BEND3: variants seen among roughly 807,000 people sequenced by gnomAD.
BEND3 encodes the protein BEN domain-containing protein 3.
Under a neutral mutation model 60.1 loss-of-function variants are expected in BEND3, and 13 were observed. The observed-to-expected ratio is 0.22, with a 90% CI of 0.14 to 0.34. The LOEUF (loss-of-function observed/expected upper bound fraction) is 0.34. BEND3 is among the 10% of genes least tolerant of loss of function. BEND3 has a pLI of 1.00. For synonymous variants in BEND3, 497 were observed against 491.5 expected (o/e 1.01, Z -0.15); for missense variants, 896 against 1,138.1 (o/e 0.79, Z 3.06).
chr6:107,090,479 A>G (rs1775452119), intron 3 of BEND3, among the ~76,000 whole-genome samples: 1 of 152,236 alleles, frequency 6.6e-6, no homozygotes, highest in Admixed American at 6.5e-5. Context: ...GGAAGGAATA[A>G]CTGAAGGTAA....
intron 3 of BEND3, among the ~76,000 whole-genome samples, chr6:107,084,771 C>A (rs1775306682): frequency 1.3e-5 from 2 of 152,214 alleles, no homozygotes; most frequent in Admixed American, 6.5e-5. Flanking sequence ...TAAAAACGTA[C>A]CAATCAGTGC....
At chr6:107,114,633 G>A (rs1391937396) in intron 1 of BEND3, among the ~76,000 whole-genome samples, 12 of 149,474 alleles carry the variant, frequency 8.0e-5, no homozygotes, top group African/African-American at 2.9e-4. Flanking sequence ...CGCCGAGCGC[G>A]AGCGCCAAGC....
rs1774947055 is a variant in BEND3 at position 107,070,386 on chromosome 6, G to A, written c.805C>T (p.Arg269Cys). Residue 269 changes from arginine (R) to cysteine (C), a missense_variant, in exon 4 of 4, where the codon CGC (arginine) becomes TGC (cysteine). Coordinates refer to ENST00000369042, the MANE Select transcript of BEND3 (RefSeq NM_001367314.1). The surrounding 1 kb of genome is among the most constrained non-coding windows in gnomAD (Gnocchi z 6.9). ...TCGGGGAAGAGCTGCACCAGCAAGC[G>A]GCAGGCCAGGTCCCCCCCTGACAGG... ...QSLSGGDLAC[R>C]LLVQLFPELF... 1.1e-5 allele frequency: 18 copies of A among 1,613,796 alleles called. No individual in the cohort carries two copies. Among genetic ancestry groups the A allele is most frequent in the Non-Finnish European group, 1.4e-5 (16 of 1,180,024 alleles).
At chr6:107,107,873 G>A (rs1289596703) in intron 1 of BEND3, among the ~76,000 whole-genome samples, 2 of 152,208 alleles carry the variant, frequency 1.3e-5, no homozygotes, top group East Asian at 1.9e-4. Context: ...AAACTGGAGG[G>A]AGGGGGATGA....
chr6:107,084,975 C>T (rs1193520111), intron 3 of BEND3, among the ~76,000 whole-genome samples: 1 of 152,226 alleles, frequency 6.6e-6, no homozygotes, highest in African/African-American at 2.4e-5. Flanking sequence ...TCGCTCTTCA[C>T]AATAAATCTT....
At chr6:107,111,450 G>A (rs1554238401) in intron 1 of BEND3, among the ~76,000 whole-genome samples, 1 of 151,942 alleles carries the variant, frequency 6.6e-6, no homozygotes, top group East Asian at 1.9e-4. Context: ...GGCGTAGGAT[G>A]CACTGAGCCG....
chr6:107,091,706 G>A (rs1300249479), intron 3 of BEND3, among the ~76,000 whole-genome samples: 2 of 152,106 alleles, frequency 1.3e-5, no homozygotes, highest in African/African-American at 4.8e-5. Context: ...GGGTTCAAAG[G>A]TGAATTTTAC....
Position 107,098,717 on chromosome 6 carries a change from G to C in BEND3, c.74C>G (p.Ala25Gly). ...KSITVKVETE[A>G]EDAALDCSVN... is the part of the protein sequence containing the mutation. ...GGAGCAGTCCAGAGCAGCATCTTCA[G>C]CCTCTGTCTCCACTTTCACAGTGAT... Residue 25 changes from alanine (A) to glycine (G), a missense_variant, in exon 3 of 4, where the codon GCT (alanine) becomes GGT (glycine). Ala to Gly is a moderately conservative substitution (Grantham distance 60). Around this residue, in one of 4 missense-constraint regions of BEND3, gnomAD observed 846 missense variants for 1,036.7 expected, o/e 0.82. Transcript: ENST00000369042. 6.2e-7 allele frequency: 1 copy of C among 1,614,104 alleles called. No homozygotes were observed. The highest frequency in any genetic ancestry group is 1.3e-5 in the African/African-American group (1 of 75,050).
chr6:107,085,413 G>T (rs188184520), intron 3 of BEND3, among the ~76,000 whole-genome samples: 2 of 152,278 alleles, frequency 1.3e-5, no homozygotes, highest in Admixed American at 1.3e-4. Flanking sequence ...CTTCTGGCAG[G>T]GGGAGGGGAA....
At chr6:107,111,849 C>T (rs1554238445) in intron 1 of BEND3, among the ~76,000 whole-genome samples, 1 of 151,368 alleles carries the variant, frequency 6.6e-6, no homozygotes, top group African/African-American at 2.4e-5. Context: ...GGGTGTGGTG[C>T]CACGCACCTG....
intron 3 of BEND3, among the ~76,000 whole-genome samples, chr6:107,093,712 T>C (rs1225318364): frequency 6.6e-6 from 1 of 152,196 alleles, no homozygotes; most frequent in African/African-American, 2.4e-5. Context: ...AATCTAGACA[T>C]AGTCCTTACA....
At chr6:107,095,254 A>C (rs1259879731) in intron 3 of BEND3, among the ~76,000 whole-genome samples, 1 of 152,148 alleles carries the variant, frequency 6.6e-6, no homozygotes, top group African/African-American at 2.4e-5. Context: ...TGGGAGGCTG[A>C]GGCAAGAGGA....
At chr6:107,099,344 T>C in intron 1 of BEND3, 48 bp from the exon 2 acceptor site, 1 of 1,529,146 alleles carries the variant, frequency 6.5e-7, no homozygotes, top group South Asian at 1.1e-5. Flanking sequence ...CTTGATTTAT[T>C]TCTTAATTTT....
intron 1 of BEND3, among the ~76,000 whole-genome samples, chr6:107,109,700 C>T (rs539359061): frequency 1.5e-4 from 23 of 152,170 alleles, no homozygotes; most frequent in East Asian, 3.9e-4. Flanking sequence ...ATGGAGAAAC[C>T]GCGTCTCTAC....
intron 1 of BEND3, among the ~76,000 whole-genome samples, chr6:107,104,772 C>T: frequency 6.6e-6 from 1 of 151,564 alleles, no homozygotes; most frequent in East Asian, 1.9e-4. Context: ...GGACTCAAGC[C>T]ATCCTCCCAC....
At chr6:107,084,826 G>A (rs1775307897) in intron 3 of BEND3, among the ~76,000 whole-genome samples, 1 of 152,240 alleles carries the variant, frequency 6.6e-6, no homozygotes. Context: ...TCAGCACTCT[G>A]TAAAACAGAC....
chr6:107,098,896 G>C, intron 2 of BEND3, 143 bp from the exon 3 acceptor site: 1 of 672,960 alleles, frequency 1.5e-6, no homozygotes, highest in Non-Finnish European at 2.5e-6. Flanking sequence ...ACAAACCTGA[G>C]CTTTCCAACG....
In BEND3 at chr6:107,077,211, T is replaced by C. The variant is rs78547127; in HGVS notation, c.241-6261A>G. Reference sequence around the variant, plus strand: ...GCCTCGAACTCTTGAGCTCCAGTAATCGGCCCACCTTGGCTTCCCAAAGTG... The same window carrying C: ...GCCTCGAACTCTTGAGCTCCAGTAACCGGCCCACCTTGGCTTCCCAAAGTG... On this transcript the variant is annotated intron_variant, in intron 3 of 3. Coordinates refer to ENST00000369042, the MANE Select transcript of BEND3 (RefSeq NM_001367314.1). Among the ~76,000 whole-genome samples, 943 of 152,256 alleles carry C rather than the reference T, an allele frequency of 6.2e-3. 11 individuals carry two copies. Among genetic ancestry groups the C allele is most frequent in the African/African-American group, 0.021 (882 of 41,554 alleles).
Position 107,066,960 on chromosome 6 carries a change from G to A in BEND3, c.*1744C>T, listed in dbSNP as rs530245142. 3 of 152,202 alleles carry A rather than the reference G, an allele frequency of 2.0e-5. No homozygotes were observed. Among genetic ancestry groups the A allele is most frequent in the African/African-American group, 7.2e-5 (3 of 41,442 alleles). The allele number at this position is 152,202 out of a possible 1,614,324, so 9.4% of individuals were successfully genotyped here. ...TAAGCAGTGCGTGTGTGCATGAGTA[G>A]CTGTGTAAGACAGAGAGTCATTCAG... is the stretch of plus-strand genomic sequence containing the variant. On this transcript the variant is annotated 3_prime_UTR_variant, in exon 4 of 4. Coordinates refer to ENST00000369042, the MANE Select transcript of BEND3 (RefSeq NM_001367314.1).
Sources: gnomAD v4.1 joint callset for allele counts (sites outside exome capture counted in the v4.1 genomes callset) on GRCh38, gnomAD v4.1.1 for gene constraint, gnomAD v4.1.1 regional missense constraint, Gnocchi (gnomAD v3.1) non-coding constraint, MANE v1.5 for transcripts, NCBI Gene and HGNC (gene_info 2026-07-23, HGNC 2026-07-21) for gene names.